ARHGEF10L: variants seen among roughly 807,000 people sequenced by gnomAD.
The protein encoded by ARHGEF10L is rho guanine nucleotide exchange factor 10-like protein.
Under a neutral mutation model 141.2 loss-of-function variants are expected in ARHGEF10L, and 69 were observed. The observed-to-expected ratio is 0.49, with a 90% CI of 0.40 to 0.60. ARHGEF10L has a LOEUF of 0.60. Among genes scored for constraint, ARHGEF10L ranks in the 20% least tolerant of loss-of-function variants. The pLI is 0.00. For synonymous variants in ARHGEF10L, 711 were observed against 718.5 expected (o/e 0.99, Z 0.17); for missense variants, 1,482 against 1,734.3 (o/e 0.85, Z 2.58).
At chr1:17,620,336 G>A (rs1205327880) in intron 10 of ARHGEF10L, among the ~76,000 whole-genome samples, 1 of 152,214 alleles carries the variant, frequency 6.6e-6, no homozygotes, top group Non-Finnish European at 1.5e-5. Context: ...GAAACAGGGT[G>A]CGAGATCCCT....
chr1:17,532,129 G>T, the ARHGEF10L span, among the ~76,000 whole-genome samples: 3 of 152,146 alleles, frequency 2.0e-5, no homozygotes, highest in Admixed American at 2.0e-4. Context: ...AAGGCTGGAG[G>T]CTCGCTGTGT....
chr1:17,622,792 A>C (rs1483719700), intron 11 of ARHGEF10L, among the ~76,000 whole-genome samples: 9 of 152,100 alleles, frequency 5.9e-5, no homozygotes, highest in Admixed American at 5.9e-4. Flanking sequence ...ACACAGAAGC[A>C]TGGGGGTGTT....
At position 17,576,756 on chromosome 1, in the gene ARHGEF10L, G is replaced by A. The variant is rs545048071; in HGVS notation, c.-43-3797G>A. Among the ~76,000 whole-genome samples the A allele has an allele frequency of 1.3e-4, 20 of 152,254 alleles. No individual in the cohort carries two copies. The South Asian group carries it at 1.9e-3, about 14-fold the overall frequency. Reference sequence around the variant, plus strand: ...CAGGACGCTCAGGAAGCAGGTGCTGGTCTTACTCCCACCGCCCCAGTGAGA... The same window carrying A: ...CAGGACGCTCAGGAAGCAGGTGCTGATCTTACTCCCACCGCCCCAGTGAGA... On this transcript the variant is annotated intron_variant, in intron 1 of 28. Coordinates refer to ENST00000361221, the MANE Select transcript of ARHGEF10L (RefSeq NM_018125.4).
At chr1:17,631,450 G>A (rs2060686444) in intron 15 of ARHGEF10L, among the ~76,000 whole-genome samples, 1 of 152,204 alleles carries the variant, frequency 6.6e-6, no homozygotes, top group Non-Finnish European at 1.5e-5. Context: ...TGGCAGGTCT[G>A]TTCCAACTCT....
chr1:17,534,975 A>T (rs1228534751), upstream of ARHGEF10L, among the ~76,000 whole-genome samples: 1 of 151,974 alleles, frequency 6.6e-6, no homozygotes. Context: ...CAATTTTTCC[A>T]TGGATGGGGT....
Position 17,603,336 on chromosome 1 carries a change from G to T in ARHGEF10L, c.350-172G>T, listed in dbSNP as rs1252419385. ...GAGGGGGTGGGGGGCGGGGAGAAGC[G>T]AGGGAGCCGGCATCCCCTGAGGGCA... On this transcript the variant is annotated intron_variant, in intron 5 of 28. Coordinates refer to ENST00000361221, the MANE Select transcript of ARHGEF10L (RefSeq NM_018125.4). The surrounding 1 kb of genome is among the most constrained non-coding windows in gnomAD (Gnocchi z 4.8). 1.3e-5 allele frequency among the ~76,000 whole-genome samples: 2 copies of T among 151,214 alleles called. No homozygotes were observed. Among genetic ancestry groups the T allele is most frequent in the South Asian group, 2.1e-4 (1 of 4,758 alleles).
At chr1:17,616,867 G>A (rs370496177) in intron 9 of ARHGEF10L, among the ~76,000 whole-genome samples, 1 of 152,344 alleles carries the variant, frequency 6.6e-6, no homozygotes, top group East Asian at 1.9e-4. Context: ...AGCCCCGGAT[G>A]TGGGAAAGTA....
At chr1:17,585,788 T>G (rs1441935576) in intron 2 of ARHGEF10L, among the ~76,000 whole-genome samples, 1 of 152,196 alleles carries the variant, frequency 6.6e-6, no homozygotes, top group Admixed American at 6.5e-5. Context: ...TGCCCATCTC[T>G]CTGTTCCAGC....
chr1:17,642,387 G>T (rs983376830), intron 21 of ARHGEF10L, among the ~76,000 whole-genome samples: 1 of 152,244 alleles, frequency 6.6e-6, no homozygotes, highest in East Asian at 1.9e-4. Context: ...AGGTAGGTGG[G>T]TGTGTTGCGG....
chr1:17,553,443 G>A (rs1434649056), intron 1 of ARHGEF10L, among the ~76,000 whole-genome samples: 1 of 152,098 alleles, frequency 6.6e-6, no homozygotes, highest in Non-Finnish European at 1.5e-5. Context: ...TGTGGGACTC[G>A]AGGAGACTGA....
In ARHGEF10L at chr1:17,656,204, A is replaced by G. The variant is rs1018186287; in HGVS notation, c.2705+102A>G. 13 of 1,323,080 alleles carry G rather than the reference A, an allele frequency of 9.8e-6. No individual in the cohort carries two copies. In the African/African-American group the frequency reaches 1.4e-4, roughly 15 times the overall value. 82.0% of individuals were successfully genotyped at this position (1,323,080 alleles called of 1,614,324 possible). A position where few individuals can be genotyped will look rare whatever the true frequency, so the allele number is the denominator to read the frequency against. On this transcript the variant is annotated intron_variant, in intron 24 of 28. Coordinates refer to ENST00000361221, the MANE Select transcript of ARHGEF10L (RefSeq NM_018125.4). The surrounding 1 kb of genome is among the most constrained non-coding windows in gnomAD (Gnocchi z 4.9). ...CCGGATCTGCCTGTTGCCCACCAAC[A>G]TTCTCTGCCCCTGGTCTCCAGGAAG...
intron 2 of ARHGEF10L, among the ~76,000 whole-genome samples, chr1:17,583,083 A>T (rs564676743): frequency 9.3e-5 from 14 of 149,790 alleles, no homozygotes; most frequent in African/African-American, 3.4e-4. Context: ...ATAGCTGGGC[A>T]TGGTGATGCT....
At chr1:17,609,969 T>C (rs2059457624) in intron 7 of ARHGEF10L, among the ~76,000 whole-genome samples, 1 of 152,188 alleles carries the variant, frequency 6.6e-6, no homozygotes, top group South Asian at 2.1e-4. Flanking sequence ...TGTGACCAGA[T>C]GGGGCTCTCG....
intron 4 of ARHGEF10L, among the ~76,000 whole-genome samples, chr1:17,597,340 C>T (rs763429828): frequency 3.3e-5 from 5 of 152,108 alleles, no homozygotes; most frequent in African/African-American, 4.8e-5. Flanking sequence ...GAATTAGACA[C>T]GGCAGCCCTG....
At chr1:17,590,131 AAG>A (rs2079403690) in intron 4 of ARHGEF10L, among the ~76,000 whole-genome samples, 1 of 152,106 alleles carries the variant, frequency 6.6e-6, no homozygotes, top group African/African-American at 2.4e-5. Flanking sequence ...GCTCATTCAG[AAG>A]AGAGACCAAG....
intron 1 of ARHGEF10L, among the ~76,000 whole-genome samples, chr1:17,551,561 A>G (rs2077113873): frequency 6.6e-6 from 1 of 152,140 alleles, no homozygotes; most frequent in Non-Finnish European, 1.5e-5. Flanking sequence ...GAGCCAGTCA[A>G]CTGTTTCAAG....
chr1:17,669,295 T>C (rs552104635), intron 26 of ARHGEF10L, among the ~76,000 whole-genome samples: 98 of 152,320 alleles, frequency 6.4e-4, no homozygotes, highest in African/African-American at 2.0e-3. Context: ...AATCTAGGAC[T>C]GTGTTACCTC....
intron 26 of ARHGEF10L, among the ~76,000 whole-genome samples, chr1:17,681,658 G>A (rs1030533028): frequency 8.5e-5 from 13 of 152,148 alleles, no homozygotes; most frequent in Non-Finnish European, 1.3e-4. Context: ...ACCTCCCACA[G>A]CAGTCCTCGG....
the ARHGEF10L span, among the ~76,000 whole-genome samples, chr1:17,517,972 A>T: frequency 2.0e-5 from 3 of 152,062 alleles, no homozygotes; most frequent in Admixed American, 2.0e-4. Flanking sequence ...CCTCATTATT[A>T]TTATTTTCAT....
Sources: gnomAD v4.1 joint callset for allele counts (sites outside exome capture counted in the v4.1 genomes callset) on GRCh38, gnomAD v4.1.1 for gene constraint, Gnocchi (gnomAD v3.1) non-coding constraint, MANE v1.5 for transcripts, NCBI Gene and HGNC (gene_info 2026-07-23, HGNC 2026-07-21) for gene names.